ZFYVE9: variants seen among roughly 807,000 people sequenced by gnomAD.
The protein encoded by ZFYVE9 is zinc finger FYVE domain-containing protein 9.
Under a neutral mutation model 126.7 loss-of-function variants are expected in ZFYVE9, and 43 were observed. That is an observed-to-expected ratio of 0.34 (90% confidence interval 0.27 to 0.44). The LOEUF (loss-of-function observed/expected upper bound fraction) is 0.44. ZFYVE9 is among the 20% of genes least tolerant of loss of function. ZFYVE9 has a pLI of 1.00. For missense variants in ZFYVE9, 1,476 were observed against 1,697.0 expected, an observed-to-expected ratio of 0.87 and a Z score of 2.29; for synonymous variants, 521 against 597.4, an observed-to-expected ratio of 0.87 and a Z score of 1.87.
chr1:52,150,449 T>C (rs951587309), intron 1 of ZFYVE9: 1 of 151,320 alleles, frequency 6.6e-6, no homozygotes, highest in African/African-American at 2.4e-5. Context: ...TGATAGATGA[T>C]AGCTAGATAG....
intron 10 of ZFYVE9, among the ~76,000 whole-genome samples, chr1:52,287,805 C>T (rs922753456): frequency 2.0e-5 from 3 of 151,940 alleles, no homozygotes; most frequent in Non-Finnish European, 2.9e-5. Flanking sequence ...TTTTTGAGGC[C>T]GTAGTGAGCT....
In ZFYVE9 at chr1:52,258,464, C is replaced by G. The variant is rs935829133; in HGVS notation, c.2179-5309C>G. Among the ~76,000 whole-genome samples, 3 of 141,390 alleles carry G rather than the reference C, an allele frequency of 2.1e-5. No individual in the cohort carries two copies. In the South Asian group the frequency reaches 6.8e-4, roughly 32 times the overall value. 92.8% of individuals were successfully genotyped at this position (141,390 alleles called of 152,430 possible). ...TGTGCATACCAAGACTGCTAAACAT[C>G]TTGCTATGCCCAGGACAGTACTGTC... On this transcript the variant is annotated intron_variant, in intron 4 of 18. Transcript: ENST00000287727.
At chr1:52,266,966 C>A in intron 6 of ZFYVE9, 135 bp downstream of exon 6, 2 of 779,064 alleles carry the variant, frequency 2.6e-6, no homozygotes, top group Non-Finnish European at 3.8e-6. Context: ...AATGGAACAA[C>A]AAGGTGAGAA....
chr1:52,250,584 C>T (rs896540823), intron 4 of ZFYVE9, among the ~76,000 whole-genome samples: 4 of 152,150 alleles, frequency 2.6e-5, no homozygotes, highest in African/African-American at 7.2e-5. Flanking sequence ...TTTACCTTTT[C>T]CTTTCCAACT....
At chr1:52,162,531 A>G (rs368083322) in intron 1 of ZFYVE9, 2 of 262,432 alleles carry the variant, frequency 7.6e-6, no homozygotes, top group South Asian at 5.9e-5. Flanking sequence ...CTAAAAATGC[A>G]CAAAAGCAAA....
At chr1:52,191,704 T>C (rs1048926146) in intron 1 of ZFYVE9, among the ~76,000 whole-genome samples, 5 of 152,314 alleles carry the variant, frequency 3.3e-5, no homozygotes, top group African/African-American at 1.2e-4. Flanking sequence ...CCAGATCATT[T>C]GGCTCCAACA....
chr1:52,198,087 T>TTGTC lies in ZFYVE9; in HGVS notation c.-142-18281_-142-18278dup, dbSNP rs1319899487. 2.2e-4 allele frequency among the ~76,000 whole-genome samples: 34 copies of TTGTC among 151,484 alleles called. No individual in the cohort carries two copies. The Admixed American group carries it at 2.2e-3, about 10-fold the overall frequency. On this transcript the variant is annotated intron_variant, in intron 1 of 18. Coordinates refer to ENST00000287727, the MANE Select transcript of ZFYVE9 (RefSeq NM_004799.4). ...CCTATAGGCAGAGATTTTCTTTGGG[T>TTGTC]TGTCATTAAATAATATTGTAGTGTT...
At chr1:52,176,727 C>T (rs1644634505) in intron 1 of ZFYVE9, among the ~76,000 whole-genome samples, 1 of 152,216 alleles carries the variant, frequency 6.6e-6, no homozygotes, top group Non-Finnish European at 1.5e-5. Context: ...TCGCTGCCGC[C>T]TTGCAGTTTG....
At chr1:52,203,708 T>A (rs1644947276) in intron 1 of ZFYVE9, among the ~76,000 whole-genome samples, 1 of 44,198 alleles carries the variant, frequency 2.3e-5, no homozygotes, top group Non-Finnish European at 7.7e-5. Context: ...ACACCCTTTG[T>A]AGTTGTTCCA....
chr1:52,223,027 T>G (rs1645138544), intron 2 of ZFYVE9, among the ~76,000 whole-genome samples: 1 of 152,118 alleles, frequency 6.6e-6, no homozygotes, highest in Non-Finnish European at 1.5e-5. Flanking sequence ...CTAAGCCTGA[T>G]GGGAGAAAAC....
At chr1:52,212,877 TATTA>T (rs1645040182) in intron 1 of ZFYVE9, among the ~76,000 whole-genome samples, 1 of 152,226 alleles carries the variant, frequency 6.6e-6, no homozygotes, top group Non-Finnish European at 1.5e-5. Context: ...TTATTGTAAT[TATTA>T]ATTTCACATT....
intron 1 of ZFYVE9, among the ~76,000 whole-genome samples, chr1:52,196,418 T>C (rs1390972928): frequency 3.3e-5 from 5 of 152,104 alleles, no homozygotes; most frequent in Non-Finnish European, 7.4e-5. Context: ...GGTGGATCAC[T>C]TGAGGCCAGG....
chr1:52,197,697 C>T lies in ZFYVE9; in HGVS notation c.-142-18672C>T, dbSNP rs1644874669. 2.6e-5 allele frequency among the ~76,000 whole-genome samples: 4 copies of T among 151,948 alleles called. No individual in the cohort carries two copies. The South Asian group carries it at 8.3e-4, about 31-fold the overall frequency. On this transcript the variant is annotated intron_variant, in intron 1 of 18. Transcript: ENST00000287727. ...GATGTGATCTAATAATTGAATGTTG[C>T]TAAAATGTCAGATGAAGTTAGGACC...
chr1:52,338,326 G>A (rs1377257826), intron 16 of ZFYVE9, among the ~76,000 whole-genome samples: 5 of 152,094 alleles, frequency 3.3e-5, no homozygotes, highest in Non-Finnish European at 7.4e-5. Flanking sequence ...TGACTTTTCA[G>A]GTCTACAAAG....
intron 1 of ZFYVE9, among the ~76,000 whole-genome samples, chr1:52,198,214 C>T (rs116540183): frequency 0.011 from 1,587 of 148,432 alleles, 36 homozygotes; most frequent in African/African-American, 0.037. Context: ...CTCTGCCTCC[C>T]GGGTTCAAGC....
intron 2 of ZFYVE9, among the ~76,000 whole-genome samples, chr1:52,216,797 C>G (rs181194031): frequency 1.6e-3 from 246 of 152,214 alleles, no homozygotes; most frequent in African/African-American, 5.8e-3. Flanking sequence ...CATGCAAGAG[C>G]TAAACAAGTA....
intron 1 of ZFYVE9, among the ~76,000 whole-genome samples, chr1:52,213,001 C>A (rs1385115579): frequency 6.6e-6 from 1 of 152,146 alleles, no homozygotes; most frequent in Non-Finnish European, 1.5e-5. Flanking sequence ...ATGTTGTATA[C>A]CTATCCATCT....
At chr1:52,303,948 AT>A in intron 13 of ZFYVE9, 23 bp downstream of exon 13, 2 of 1,532,824 alleles carry the variant, frequency 1.3e-6, no homozygotes, top group Admixed American at 3.8e-5. Flanking sequence ...ATGAAGGCGT[AT>A]TTTTCATAGT....
intron 1 of ZFYVE9, among the ~76,000 whole-genome samples, chr1:52,176,760 A>C (rs1329082544): frequency 2.0e-5 from 3 of 152,124 alleles, no homozygotes; most frequent in Admixed American, 6.5e-5. Flanking sequence ...TGTGCTAGCA[A>C]TCAGCGAGAC....
Sources: gnomAD v4.1 joint callset for allele counts (sites outside exome capture counted in the v4.1 genomes callset) on GRCh38, gnomAD v4.1.1 for gene constraint, MANE v1.5 for transcripts, NCBI Gene and HGNC (gene_info 2026-07-23, HGNC 2026-07-21) for gene names.